The following AP3B2 variants were observed in gnomAD, a reference collection of about 807,000 sequenced individuals.
The protein encoded by AP3B2 is AP-3 complex subunit beta-2.
In AP3B2, 50 loss-of-function variants were observed where a neutral mutation model predicts 126.9. The observed-to-expected ratio is 0.39, with a 90% CI of 0.31 to 0.50. The LOEUF is 0.50. AP3B2 is among the 20% of genes least tolerant of loss of function. The pLI, the probability that AP3B2 is intolerant of heterozygous loss-of-function variation, is 0.79. For missense variants in AP3B2, 1,177 were observed against 1,426.4 expected, an observed-to-expected ratio of 0.83 and a Z score of 2.82; for synonymous variants, 541 against 565.0, an observed-to-expected ratio of 0.96 and a Z score of 0.60.
chr15:82,669,873 T>C lies in AP3B2; in HGVS notation c.1666-2940A>G, dbSNP rs2048118959. 4.1e-5 allele frequency among the ~76,000 whole-genome samples: 6 copies of C among 145,100 alleles called. No homozygotes were observed. The South Asian group carries it at 1.4e-3, about 33-fold the overall frequency. ...AAAATTAGCTGGGCATGGTGGTGCA[T>C]GCCTGTAATCCCAGCTACTCGGGAG... On this transcript the variant is annotated intron_variant, in intron 14 of 26. Coordinates refer to ENST00000535359, the MANE Select transcript of AP3B2 (RefSeq NM_001278512.2).
intron 14 of AP3B2, among the ~76,000 whole-genome samples, chr15:82,673,764 C>T (rs2048196370): frequency 6.6e-6 from 1 of 152,090 alleles, no homozygotes; most frequent in Admixed American, 6.5e-5. Context: ...CTATGATAAG[C>T]ATGTATTACC....
chr15:82,702,045 C>A (rs1476863063), intron 1 of AP3B2, among the ~76,000 whole-genome samples: 2 of 152,202 alleles, frequency 1.3e-5, no homozygotes, highest in Non-Finnish European at 2.9e-5. Context: ...CCACTGTTCT[C>A]TGGTCACTTC....
At chr15:82,688,564 C>T (rs1350861788) in intron 4 of AP3B2, 172 bp downstream of exon 4, 2 of 718,102 alleles carry the variant, frequency 2.8e-6, no homozygotes, top group East Asian at 5.4e-5. Flanking sequence ...AGCCCAGCTT[C>T]CACTCTCTGA....
At chr15:82,694,551 G>A (rs894597305) in intron 1 of AP3B2, among the ~76,000 whole-genome samples, 1 of 152,004 alleles carries the variant, frequency 6.6e-6, no homozygotes, top group Non-Finnish European at 1.5e-5. Context: ...CAGGCATGGT[G>A]GCACATGCCT....
intron 23 of AP3B2, 176 bp from the exon 24 acceptor site, chr15:82,662,428 C>G (rs774198581): frequency 1.2e-4 from 79 of 657,160 alleles, no homozygotes; most frequent in South Asian, 5.2e-4. Context: ...CTCTAAGCAC[C>G]CTTTCCCCCA....
At chr15:82,694,233 G>A (rs554925399) in intron 1 of AP3B2, among the ~76,000 whole-genome samples, 1 of 151,792 alleles carries the variant, frequency 6.6e-6, no homozygotes, top group East Asian at 1.9e-4. Flanking sequence ...TCAAACTCCT[G>A]GACTCAAGTG....
intron 21 of AP3B2, 65 bp downstream of exon 21, chr15:82,663,495 T>C: frequency 2.6e-6 from 4 of 1,546,790 alleles, no homozygotes; most frequent in Non-Finnish European, 3.6e-6. Flanking sequence ...AGAGTCCCTA[T>C]GGGCTGTTCT....
chr15:82,661,766 G>A (rs2047953784), intron 25 of AP3B2, 59 bp downstream of exon 25: 5 of 1,422,528 alleles, frequency 3.5e-6, no homozygotes, highest in Non-Finnish European at 4.9e-6. Flanking sequence ...CATCCAAGCT[G>A]GACATTCTGG....
chr15:82,665,376 A>AGCAC lies in AP3B2; in HGVS notation c.1972-74_1972-73insGTGC. On this transcript the variant is annotated intron_variant, in intron 16 of 26. Transcript: ENST00000535359. This position sits in a 1 kb window ranked among gnomAD's most constrained non-coding sequence, Gnocchi z 4.4. ...GGGCTCCCTACTGTCTGCCCCCACC[A>AGCAC]ACACACACACACACACACACACACA... 2 of 1,253,592 alleles carry AGCAC rather than the reference A, an allele frequency of 1.6e-6. No homozygotes were observed. The highest frequency in any genetic ancestry group is 2.6e-5 in the South Asian group (2 of 76,814). 77.7% of individuals were successfully genotyped at this position (1,253,592 alleles called of 1,614,324 possible).
intron 1 of AP3B2, among the ~76,000 whole-genome samples, chr15:82,690,579 G>A (rs1410885575): frequency 2.0e-5 from 3 of 149,478 alleles, no homozygotes; most frequent in African/African-American, 4.9e-5. Context: ...CAAAGGACAC[G>A]AACTCATCCT....
chr15:82,672,559 G>A (rs146120937), intron 14 of AP3B2, among the ~76,000 whole-genome samples: 2 of 152,138 alleles, frequency 1.3e-5, no homozygotes, highest in Non-Finnish European at 2.9e-5. Context: ...ACAACAGGGT[G>A]ACTACAGTCA....
At chr15:82,679,833 C>T (rs928500239) in intron 9 of AP3B2, 33 bp from the exon 10 acceptor site, 3 of 1,601,516 alleles carry the variant, frequency 1.9e-6, no homozygotes, top group Non-Finnish European at 1.7e-6. Context: ...GGAGCTCCAC[C>T]GAAGCCCCAG....
At chr15:82,707,338 G>A (rs995149760) in intron 1 of AP3B2, among the ~76,000 whole-genome samples, 1 of 152,166 alleles carries the variant, frequency 6.6e-6, no homozygotes, top group African/African-American at 2.4e-5. Context: ...CCTGTCCTCG[G>A]AATGCTGCAG....
chr15:82,663,748 T>TG, intron 20 of AP3B2, 53 bp downstream of exon 20: 18 of 1,597,146 alleles, frequency 1.1e-5, no homozygotes, highest in Non-Finnish European at 1.5e-5. Context: ...GCCCAGAGGT[T>TG]GGGGAGGGCC....
intron 21 of AP3B2, 161 bp from the exon 22 acceptor site, chr15:82,663,394 G>C: frequency 5.0e-6 from 5 of 996,762 alleles, no homozygotes; most frequent in South Asian, 1.4e-5. Flanking sequence ...CTCAACCCCA[G>C]ACCTGGGGAG....
intron 1 of AP3B2, among the ~76,000 whole-genome samples, chr15:82,701,241 C>T (rs559291126): frequency 5.8e-4 from 89 of 152,274 alleles, no homozygotes; most frequent in African/African-American, 2.0e-3. Flanking sequence ...CAGGCTAGTC[C>T]TCCCACCCAG....
intron 1 of AP3B2, among the ~76,000 whole-genome samples, chr15:82,700,106 T>C (rs1473129213): frequency 2.6e-5 from 4 of 152,088 alleles, no homozygotes; most frequent in African/African-American, 9.7e-5. Flanking sequence ...GTGGAGTTGA[T>C]AGAGAGGTGA....
rs763684214 is a variant in AP3B2 at position 82,663,982 on chromosome 15, G to A, written c.2262-7C>T. 5.6e-6 allele frequency: 9 copies of A among 1,600,194 alleles called. No individual in the cohort carries two copies. The Admixed American group carries it at 1.2e-4, about 21-fold the overall frequency. On this transcript the variant is annotated splice_polypyrimidine_tract_variant and splice_region_variant and intron_variant, in intron 19 of 26. Transcript: ENST00000535359. ...ATCCTCCTCACTCTGTTCACTGAAG[G>A]AGTGGGAAAGGTTGGCTCAGGCCTG...
intron 14 of AP3B2, among the ~76,000 whole-genome samples, chr15:82,675,375 C>T (rs1043686936): frequency 6.6e-6 from 1 of 152,196 alleles, no homozygotes; most frequent in Admixed American, 6.5e-5. Context: ...GGTGGCCCTG[C>T]CTACCTCACC....
Sources: gnomAD v4.1 joint callset for allele counts (sites outside exome capture counted in the v4.1 genomes callset) on GRCh38, gnomAD v4.1.1 for gene constraint, Gnocchi (gnomAD v3.1) non-coding constraint, MANE v1.5 for transcripts, NCBI Gene and HGNC (gene_info 2026-07-23, HGNC 2026-07-21) for gene names.